Variants in PLXDC1 observed in about 807,000 individuals in gnomAD.
PLXDC1 encodes the protein plexin domain containing 1.
PLXDC1 carries 39 observed loss-of-function variants against 61.3 expected under a neutral mutation model. That is an observed-to-expected ratio of 0.64 (90% CI 0.49 to 0.83). The LOEUF (loss-of-function observed/expected upper bound fraction) is 0.83. PLXDC1 is among the 40% of genes least tolerant of loss of function. The pLI is 0.00. For missense variants in PLXDC1, 596 were observed against 666.5 expected (o/e 0.89, Z 1.17); for synonymous variants, 212 against 254.5 (o/e 0.83, Z 1.59).
chr17:39,105,969 G>T lies in PLXDC1; in HGVS notation c.712-16C>A. The T allele has an allele frequency of 6.3e-7, 1 of 1,587,390 alleles. No homozygotes were observed. ...ACATAGGGATCTGCGGCAGGGAGAA[G>T]AGACTCCGTCCACCTCCCAAACGCT... On this transcript the variant is annotated splice_polypyrimidine_tract_variant and intron_variant, in intron 6 of 13. Coordinates refer to ENST00000315392, the MANE Select transcript of PLXDC1 (RefSeq NM_020405.5).
At chr17:39,085,158 C>T (rs934966712) in intron 8 of PLXDC1, among the ~76,000 whole-genome samples, 7 of 152,210 alleles carry the variant, frequency 4.6e-5, no homozygotes, top group African/African-American at 1.4e-4. Context: ...TACATGGAGC[C>T]CCAGCAAGAT....
At position 39,151,378 on chromosome 17, in the gene PLXDC1, G is replaced by A; in HGVS notation, c.60C>T (p.Ser20=). ...LVLREAARAL[S]PQPGAGHDEG... is the part of the protein sequence containing the mutation. ...CAGTCCTACCTGCTCCGGGCTGGGG[G>A]CTCAGCGCCCGGGCAGCCTCCCTGA... The change falls in exon 1 of 14, where the codon AGC becomes AGT. Residue 20 remains serine (S), a synonymous_variant. Transcript: ENST00000315392. This position sits in a 1 kb window ranked among gnomAD's most constrained non-coding sequence, Gnocchi z 5.2. 1 of 1,291,502 alleles carries A rather than the reference G, an allele frequency of 7.7e-7. No homozygotes were observed. The highest frequency in any genetic ancestry group is 9.8e-7 in the Non-Finnish European group (1 of 1,018,646). 80.0% of individuals were successfully genotyped at this position (1,291,502 alleles called of 1,614,324 possible). A position where few individuals can be genotyped will look rare whatever the true frequency, so the allele number is the denominator to read the frequency against.
chr17:39,112,945 G>T (rs1423833085), intron 2 of PLXDC1: 1 of 152,154 alleles, frequency 6.6e-6, no homozygotes, highest in Admixed American at 6.5e-5. Context: ...TACCCAAAAC[G>T]ATATGTTCAA....
intron 11 of PLXDC1, chr17:39,073,413 A>C (rs1909202391): frequency 6.6e-6 from 1 of 152,254 alleles, no homozygotes. Flanking sequence ...TAAGCAAAGG[A>C]ACTTAAATAT....
At chr17:39,146,152 C>T (rs144811806) in intron 1 of PLXDC1, among the ~76,000 whole-genome samples, 127 of 150,508 alleles carry the variant, frequency 8.4e-4, no homozygotes, top group African/African-American at 3.0e-3. Context: ...CTCCCTGCAA[C>T]CTCCACCTCT....
At chr17:39,083,128 T>A (rs1038773141) in intron 9 of PLXDC1, among the ~76,000 whole-genome samples, 1 of 152,200 alleles carries the variant, frequency 6.6e-6, no homozygotes, top group African/African-American at 2.4e-5. Flanking sequence ...GAGATCCTGA[T>A]ACAGAGGGTC....
At chr17:39,106,652 C>T (rs4516266) in intron 6 of PLXDC1, among the ~76,000 whole-genome samples, 101,987 of 139,768 alleles carry the variant, frequency 0.73, 38,277 homozygotes, top group South Asian at 0.88. Flanking sequence ...CTTTTTCTTT[C>T]TTTTTTTTTT....
At chr17:39,073,966 C>T (rs896370286) in intron 11 of PLXDC1, among the ~76,000 whole-genome samples, 29 of 152,308 alleles carry the variant, frequency 1.9e-4, no homozygotes, top group Middle Eastern at 3.4e-3. Context: ...GTCTCCCACT[C>T]CTCCTGCCCT....
In PLXDC1 at chr17:39,150,277, A is replaced by G. The variant is rs73983249; in HGVS notation, c.76+1085T>C. Among the ~76,000 whole-genome samples the G allele has an allele frequency of 6.7e-3, 1,022 of 152,108 alleles. 13 individuals carry two copies. Among genetic ancestry groups the G allele is most frequent in the African/African-American group, 0.023 (959 of 41,448 alleles). On this transcript the variant is annotated intron_variant, in intron 1 of 13. Transcript: ENST00000315392. ...CCCCCAACATACTCTTCTTCTCAAT[A>G]GGGACCCAGGTCTGTCTCAGCTACA...
chr17:39,114,415 T>C (rs1727285724), intron 2 of PLXDC1, among the ~76,000 whole-genome samples: 1 of 152,160 alleles, frequency 6.6e-6, no homozygotes, highest in African/African-American at 2.4e-5. Flanking sequence ...AGTCACTTCC[T>C]CAAGAAAGCC....
chr17:39,126,400 TA>T lies in PLXDC1; in HGVS notation c.255+13253del, dbSNP rs1911312657. On this transcript the variant is annotated intron_variant, in intron 2 of 13. Coordinates refer to ENST00000315392, the MANE Select transcript of PLXDC1 (RefSeq NM_020405.5). ...TAATGAAACCAATTTTACCATAAAG[TA>T]ATTGATATAAGCAAGAGTTAAGTTC... Among the ~76,000 whole-genome samples the T allele has an allele frequency of 5.3e-5, 8 of 152,300 alleles. No homozygotes were observed. The South Asian group carries it at 1.7e-3, about 32-fold the overall frequency.
Position 39,063,809 on chromosome 17 carries a change from G to A in PLXDC1, c.*4031C>T, listed in dbSNP as rs1310340180. On this transcript the variant is annotated 3_prime_UTR_variant, in exon 14 of 14. Transcript: ENST00000315392. ...TATCTGTGACACTGACTCTTCTGGT[G>A]TAGGTTTGCTTGGCCAGGGAGTCTG... 3.1e-6 allele frequency: 1 copy of A among 318,696 alleles called. No individual in the cohort carries two copies. Among genetic ancestry groups the A allele is most frequent in the African/African-American group, 2.2e-5 (1 of 46,354 alleles). The allele number at this position is 318,696 out of a possible 1,614,324, so 19.7% of individuals were successfully genotyped here.
intron 2 of PLXDC1, among the ~76,000 whole-genome samples, chr17:39,136,213 G>C (rs1911748070): frequency 6.6e-6 from 1 of 152,134 alleles, no homozygotes; most frequent in African/African-American, 2.4e-5. Context: ...GATTGGGAAG[G>C]GAGTGATGCC....
rs1191793494 is a variant in PLXDC1, at chr17:39,080,707, G to GCC, written c.990-1545_990-1544dup. On this transcript the variant is annotated intron_variant, in intron 9 of 13. Coordinates refer to ENST00000315392, the MANE Select transcript of PLXDC1 (RefSeq NM_020405.5). Reference sequence around the variant, plus strand: ...AGGAGTGAGCCCAGGCCCATGGGGCGCCTGGGGATGGGATGATTTTCAGCC... The same window carrying GCC: ...AGGAGTGAGCCCAGGCCCATGGGGCGCCCCTGGGGATGGGATGATTTTCAGCC... 2.6e-5 allele frequency: 4 copies of GCC among 152,274 alleles called. No individual in the cohort carries two copies. In the South Asian group the frequency reaches 8.3e-4, roughly 32 times the overall value. The allele number at this position is 152,274 out of a possible 1,614,324, so 9.4% of individuals were successfully genotyped here.
chr17:39,148,887 G>T (rs901596958), intron 1 of PLXDC1, among the ~76,000 whole-genome samples: 3 of 152,114 alleles, frequency 2.0e-5, no homozygotes, highest in African/African-American at 7.2e-5. Flanking sequence ...TATAGACGGG[G>T]AAACCTTCCT....
chr17:39,072,332 C>T, intron 12 of PLXDC1, 118 bp downstream of exon 12: 1 of 743,292 alleles, frequency 1.3e-6, no homozygotes, highest in Non-Finnish European at 2.4e-6. Context: ...GATGCTCAGG[C>T]TGCCGTTGCT....
intron 7 of PLXDC1, among the ~76,000 whole-genome samples, chr17:39,100,534 C>T (rs377493093): frequency 1.3e-5 from 2 of 152,170 alleles, no homozygotes; most frequent in African/African-American, 2.4e-5. Context: ...AGATTATGGG[C>T]GTGAGCCACC....
intron 2 of PLXDC1, among the ~76,000 whole-genome samples, chr17:39,121,788 A>G (rs1911166784): frequency 2.0e-5 from 3 of 152,156 alleles, no homozygotes; most frequent in Admixed American, 6.5e-5. Flanking sequence ...TGTCTGGCCA[A>G]TGGAAGATGA....
intron 2 of PLXDC1, among the ~76,000 whole-genome samples, chr17:39,135,880 G>T (rs937732468): frequency 2.6e-5 from 4 of 152,152 alleles, no homozygotes; most frequent in Non-Finnish European, 5.9e-5. Flanking sequence ...AAGCTCTGGC[G>T]TTATTGAATC....
Sources: gnomAD v4.1 joint callset for allele counts (sites outside exome capture counted in the v4.1 genomes callset) on GRCh38, gnomAD v4.1.1 for gene constraint, Gnocchi (gnomAD v3.1) non-coding constraint, MANE v1.5 for transcripts, NCBI Gene and HGNC (gene_info 2026-07-23, HGNC 2026-07-21) for gene names.